ZNF420: variants seen among roughly 807,000 people sequenced by gnomAD.
The protein encoded by ZNF420 is zinc finger protein 420.
Under a neutral mutation model 44.7 loss-of-function variants are expected in ZNF420, and 31 were observed. That is an observed-to-expected ratio of 0.69 (90% CI 0.52 to 0.94). The LOEUF (loss-of-function observed/expected upper bound fraction) is 0.94, where lower values mean the gene tolerates loss of function less well. Ranked by LOEUF, ZNF420 falls within the 40% of genes least tolerant of loss-of-function variation. The probability of loss-of-function intolerance (pLI) is 0.00; values close to 1 mark genes in which losing one functional copy is unlikely to be tolerated. For missense variants in ZNF420, 681 were observed against 827.9 expected, an observed-to-expected ratio of 0.82 and a Z score of 2.18; for synonymous variants, 245 against 267.4, an observed-to-expected ratio of 0.92 and a Z score of 0.82.
chr19:37,088,027 T>C (rs879401155), intron 2 of ZNF420, among the ~76,000 whole-genome samples: 3 of 152,212 alleles, frequency 2.0e-5, no homozygotes, highest in Non-Finnish European at 2.9e-5. Context: ...AGACATTTCA[T>C]ATGGCTTTGC....
At chr19:37,069,747 A>G in intron 1 of ZNF420, among the ~76,000 whole-genome samples, 1 of 152,108 alleles carries the variant, frequency 6.6e-6, no homozygotes, top group East Asian at 1.9e-4. Flanking sequence ...TCATAGAACC[A>G]TTGTAAGTTG....
chr19:37,100,801 A>G (rs1158984061), intron 4 of ZNF420, among the ~76,000 whole-genome samples: 3 of 152,036 alleles, frequency 2.0e-5, no homozygotes, highest in Admixed American at 2.0e-4. Context: ...GTGCAGTGTC[A>G]TTGGTGGTAT....
At chr19:37,095,877 G>A (rs907593090) in intron 4 of ZNF420, among the ~76,000 whole-genome samples, 4 of 152,218 alleles carry the variant, frequency 2.6e-5, no homozygotes, top group African/African-American at 7.2e-5. Context: ...GGGATTACAA[G>A]TGTGAGCTAC....
At chr19:37,107,107 C>T (rs1970133504) in intron 4 of ZNF420, 2 of 152,198 alleles carry the variant, frequency 1.3e-5, no homozygotes, top group African/African-American at 4.8e-5. Context: ...AGATGACTTC[C>T]TCTTATCTGA....
At chr19:37,070,768 A>G (rs1968045580) in intron 1 of ZNF420, among the ~76,000 whole-genome samples, 1 of 152,240 alleles carries the variant, frequency 6.6e-6, no homozygotes, top group Non-Finnish European at 1.5e-5. Context: ...GTTAGTAAAG[A>G]GTATACATTG....
chr19:37,046,282 G>A (rs952198231), intron 1 of ZNF420, among the ~76,000 whole-genome samples: 1 of 152,164 alleles, frequency 6.6e-6, no homozygotes, highest in Non-Finnish European at 1.5e-5. Context: ...TTATAAAGTT[G>A]AGCATTCTCA....
chr19:37,127,141 G>A lies in ZNF420; in HGVS notation c.150G>A (p.Arg50=), dbSNP rs752455784. 3 of 1,481,414 alleles carry A rather than the reference G, an allele frequency of 2.0e-6. No individual in the cohort carries two copies. The highest frequency in any genetic ancestry group is 3.0e-5 in the South Asian group (2 of 66,096). The allele number at this position is 1,481,414 out of a possible 1,614,324, so 91.8% of individuals were successfully genotyped here. A position where few individuals can be genotyped will look rare whatever the true frequency, so the allele number is the denominator to read the frequency against. ...CTTATCTTTCAGACTTGCCTTCAAG[G>A]TGTGCAAGTAAGGACTTATCTCCAG... ...SNLVSLDLPS[R]CASKDLSPEK... Residue 50 remains arginine (R), a synonymous_variant, in exon 5 of 5, where the codon AGG becomes AGA. Transcript: ENST00000337995.
At chr19:37,063,172 T>C (rs1967906304) in intron 1 of ZNF420, among the ~76,000 whole-genome samples, 1 of 152,130 alleles carries the variant, frequency 6.6e-6, no homozygotes, top group Admixed American at 6.5e-5. Flanking sequence ...TACTGAACCA[T>C]TTGAAAGTAA....
chr19:37,128,083 A>T lies in ZNF420; in HGVS notation c.1092A>T (p.Lys364Asn). Residue 364 changes from lysine to asparagine, a missense_variant, in exon 5 of 5, where the codon AAA (lysine) becomes AAT (asparagine). This residue lies in a region of ZNF420 where 51 missense variants were observed against 106.8 expected (regional missense o/e 0.48). Coordinates refer to ENST00000337995, the MANE Select transcript of ZNF420 (RefSeq NM_144689.5). ...TTCATACTGGTGAAAAACCCTATAAATGTGAAGAATGTGGGAAGGCCTTTA... is the reference window on the plus strand; with the variant it reads ...TTCATACTGGTGAAAAACCCTATAATTGTGAAGAATGTGGGAAGGCCTTTA... Reference protein sequence around the residue: ...QRIHTGEKPYKCEECGKAFIR... With the variant: ...QRIHTGEKPYNCEECGKAFIR... The T allele has an allele frequency of 6.2e-7, 1 of 1,614,106 alleles. No individual in the cohort carries two copies. The highest frequency in any genetic ancestry group is 8.5e-7 in the Non-Finnish European group (1 of 1,179,988).
intron 1 of ZNF420, among the ~76,000 whole-genome samples, chr19:37,055,548 C>T (rs543694994): frequency 6.6e-6 from 1 of 152,218 alleles, no homozygotes; most frequent in Non-Finnish European, 1.5e-5. Flanking sequence ...CCACGCAGAG[C>T]CGAAACCGTT....
At chr19:37,008,838 C>T (rs2074547874) in intron 1 of ZNF420, among the ~76,000 whole-genome samples, 1 of 152,186 alleles carries the variant, frequency 6.6e-6, no homozygotes, top group Non-Finnish European at 1.5e-5. Context: ...TCTTGGTCTG[C>T]CTCAATGTCT....
chr19:37,019,479 A>G (rs2074630758), intron 1 of ZNF420, among the ~76,000 whole-genome samples: 2 of 152,208 alleles, frequency 1.3e-5, no homozygotes, highest in Non-Finnish European at 2.9e-5. Context: ...ATTCCTTAAA[A>G]AATTGAAAAT....
chr19:37,115,733 G>C (rs982665526), intron 4 of ZNF420, among the ~76,000 whole-genome samples: 5 of 151,846 alleles, frequency 3.3e-5, no homozygotes, highest in African/African-American at 1.2e-4. Flanking sequence ...ATCCTCCTCA[G>C]CACAGACCCT....
chr19:37,116,684 C>G (rs1160844530), intron 4 of ZNF420, among the ~76,000 whole-genome samples: 1 of 152,186 alleles, frequency 6.6e-6, no homozygotes, highest in East Asian at 1.9e-4. Context: ...TGCAAGGGGT[C>G]AGGGAGTTCC....
intron 4 of ZNF420, among the ~76,000 whole-genome samples, chr19:37,114,619 T>G (rs976515584): frequency 6.6e-6 from 1 of 152,182 alleles, no homozygotes; most frequent in African/African-American, 2.4e-5. Flanking sequence ...CTGTAATTGA[T>G]TATAGTCAAC....
intron 4 of ZNF420, among the ~76,000 whole-genome samples, chr19:37,113,169 T>C (rs12460291): frequency 0.019 from 2,938 of 152,320 alleles, 77 homozygotes; most frequent in East Asian, 0.049. Flanking sequence ...AAATTTAGAA[T>C]GACATTGACT....
At chr19:37,062,831 C>T (rs1967900646) in intron 1 of ZNF420, among the ~76,000 whole-genome samples, 1 of 152,096 alleles carries the variant, frequency 6.6e-6, no homozygotes, top group African/African-American at 2.4e-5. Flanking sequence ...ATCAAAAACC[C>T]CACTTGCTTA....
intron 4 of ZNF420, among the ~76,000 whole-genome samples, chr19:37,100,270 G>C (rs969706322): frequency 5.3e-5 from 8 of 151,860 alleles, no homozygotes; most frequent in African/African-American, 1.9e-4. Flanking sequence ...GCAAATACTT[G>C]GATTTTTTTT....
upstream of ZNF420, among the ~76,000 whole-genome samples, chr19:37,074,614 T>C (rs1176452563): frequency 1.3e-5 from 2 of 152,200 alleles, no homozygotes; most frequent in Non-Finnish European, 2.9e-5. Flanking sequence ...AATTTAAATG[T>C]GGACTATATA....
Sources: allele counts gnomAD v4.1 joint callset (sites outside exome capture counted in the v4.1 genomes callset), GRCh38; gene constraint gnomAD v4.1.1; regional missense constraint gnomAD v4.1.1; transcripts MANE v1.5; gene names NCBI Gene and HGNC (gene_info 2026-07-23, HGNC 2026-07-21).